RPS6KC1: variants seen among roughly 807,000 people sequenced by gnomAD.
RPS6KC1 encodes inactive ribosomal protein S6 kinase delta-1.
RPS6KC1 carries 54 observed loss-of-function variants against 103.8 expected under a neutral mutation model. The observed-to-expected ratio is 0.52, with a 90% confidence interval of 0.42 to 0.65. The LOEUF is 0.65. Among genes scored for constraint, RPS6KC1 ranks in the 30% least tolerant of loss-of-function variants. RPS6KC1 has a pLI of 0.00. For synonymous variants in RPS6KC1, 439 were observed against 438.7 expected, an observed-to-expected ratio of 1.00 and a Z score of -0.01; for missense variants, 1,151 against 1,253.8, an observed-to-expected ratio of 0.92 and a Z score of 1.24.
chr1:213,416,788 C>T, the RPS6KC1 span, among the ~76,000 whole-genome samples: 2 of 152,124 alleles, frequency 1.3e-5, no homozygotes, highest in Admixed American at 6.5e-5. Flanking sequence ...CTGGGCACTA[C>T]CCTTCCACTC....
At chr1:213,491,961 G>A in the RPS6KC1 span, among the ~76,000 whole-genome samples, 251 of 152,262 alleles carry the variant, frequency 1.6e-3, 2 homozygotes, top group African/African-American at 5.7e-3. Flanking sequence ...GCAAGGGACT[G>A]TGGCTTTCCT....
At chr1:213,072,894 A>G (rs2079009924) in intron 2 of RPS6KC1, 1 of 976,700 alleles carries the variant, frequency 1.0e-6, no homozygotes, top group African/African-American at 1.8e-5. Context: ...CAACCTATCC[A>G]TGAACATACT....
the RPS6KC1 span, among the ~76,000 whole-genome samples, chr1:213,808,348 C>T: frequency 4.6e-5 from 7 of 152,230 alleles, no homozygotes; most frequent in African/African-American, 1.7e-4. Flanking sequence ...GAGGTTACTG[C>T]TGTCTTTTTG....
chr1:213,288,195 A>G, the RPS6KC1 span, among the ~76,000 whole-genome samples: 1 of 152,180 alleles, frequency 6.6e-6, no homozygotes, highest in African/African-American at 2.4e-5. Context: ...ACATTGCGCA[A>G]TGCACACACT....
At chr1:213,181,367 C>T (rs552232962) in intron 8 of RPS6KC1, among the ~76,000 whole-genome samples, 20 of 152,346 alleles carry the variant, frequency 1.3e-4, no homozygotes, top group African/African-American at 4.6e-4. Context: ...CAGATGCCTT[C>T]ACATTTTGTA....
the RPS6KC1 span, among the ~76,000 whole-genome samples, chr1:213,442,981 C>G: frequency 6.6e-6 from 1 of 151,064 alleles, no homozygotes. Flanking sequence ...TTAGGACTTG[C>G]AACAAGAGCA....
intron 8 of RPS6KC1, among the ~76,000 whole-genome samples, chr1:213,218,117 A>C (rs1318910295): frequency 6.6e-6 from 1 of 152,212 alleles, no homozygotes; most frequent in South Asian, 2.1e-4. Flanking sequence ...TTATATATCT[A>C]GAAAACCCCA....
chr1:213,589,964 T>A, the RPS6KC1 span, among the ~76,000 whole-genome samples: 1 of 151,738 alleles, frequency 6.6e-6, no homozygotes, highest in Non-Finnish European at 1.5e-5. Context: ...TGTGTGTGTG[T>A]GTGTGTGTGT....
chr1:213,736,294 G>A, the RPS6KC1 span, among the ~76,000 whole-genome samples: 8 of 152,290 alleles, frequency 5.3e-5, no homozygotes, highest in East Asian at 1.9e-4. Context: ...CAGCCAGGCC[G>A]TGTTCTCATG....
At chr1:213,489,006 C>T in the RPS6KC1 span, among the ~76,000 whole-genome samples, 1 of 152,154 alleles carries the variant, frequency 6.6e-6, no homozygotes. Context: ...AACATGATCA[C>T]ACCTGTTATA....
At chr1:213,165,406 G>T (rs964410462) in intron 6 of RPS6KC1, among the ~76,000 whole-genome samples, 10 of 149,816 alleles carry the variant, frequency 6.7e-5, no homozygotes, top group African/African-American at 9.9e-5. Context: ...AATTTTGTGT[G>T]TTTTTTTTGT....
At chr1:213,157,008 AT>A (rs1180806273) in intron 6 of RPS6KC1, among the ~76,000 whole-genome samples, 7 of 151,992 alleles carry the variant, frequency 4.6e-5, no homozygotes, top group Non-Finnish European at 5.9e-5. Context: ...TAGGTTATCA[AT>A]TTGATATCTT....
At chr1:213,247,723 A>G (rs2094475637) in intron 12 of RPS6KC1, among the ~76,000 whole-genome samples, 1 of 152,318 alleles carries the variant, frequency 6.6e-6, no homozygotes, top group Admixed American at 6.5e-5. Flanking sequence ...TGTTGGATAT[A>G]AGTAAAATCA....
the RPS6KC1 span, among the ~76,000 whole-genome samples, chr1:213,654,157 T>A: frequency 6.6e-6 from 1 of 152,240 alleles, no homozygotes; most frequent in African/African-American, 2.4e-5. Context: ...CAGCTCCAAG[T>A]ATTTTTTTTC....
chr1:213,465,194 C>A, the RPS6KC1 span, among the ~76,000 whole-genome samples: 4 of 152,174 alleles, frequency 2.6e-5, no homozygotes, highest in African/African-American at 4.8e-5. Flanking sequence ...TCTTCCCCTA[C>A]CCCCTCTCTT....
the RPS6KC1 span, among the ~76,000 whole-genome samples, chr1:213,596,886 C>T: frequency 3.9e-5 from 6 of 152,110 alleles, no homozygotes; most frequent in East Asian, 1.9e-4. Flanking sequence ...AATTGCTTTA[C>T]GTATTCAGAG....
chr1:213,281,277 A>G, the RPS6KC1 span, among the ~76,000 whole-genome samples: 4 of 152,212 alleles, frequency 2.6e-5, no homozygotes, highest in African/African-American at 9.6e-5. Flanking sequence ...GGCTCCGAGT[A>G]ACTCTTCATA....
the RPS6KC1 span, among the ~76,000 whole-genome samples, chr1:213,620,474 G>A: frequency 6.6e-6 from 1 of 152,188 alleles, no homozygotes; most frequent in African/African-American, 2.4e-5. Flanking sequence ...AAGAGACTAA[G>A]ATAGAAACTT....
At chr1:213,670,750 G>C in the RPS6KC1 span, among the ~76,000 whole-genome samples, 1 of 152,102 alleles carries the variant, frequency 6.6e-6, no homozygotes, top group Admixed American at 6.5e-5. Flanking sequence ...TCGGTGGTGG[G>C]GACAGGTTCC....
Sources: gnomAD v4.1 joint callset for allele counts (sites outside exome capture counted in the v4.1 genomes callset) on GRCh38, gnomAD v4.1.1 for gene constraint, MANE v1.5 for transcripts, NCBI Gene and HGNC (gene_info 2026-07-23, HGNC 2026-07-21) for gene names.